NELL1: variants seen among roughly 807,000 people sequenced by gnomAD.
The protein encoded by NELL1 is protein kinase C-binding protein NELL1.
Under a neutral mutation model 107.4 loss-of-function variants are expected in NELL1, and 76 were observed. The ratio of observed to expected loss-of-function variants is 0.71; its 90% CI spans 0.59 to 0.86. The LOEUF is 0.86. NELL1 is among the 40% of genes least tolerant of loss of function. The pLI is 0.00. For missense variants in NELL1, 1,024 were observed against 1,005.5 expected (o/e 1.02, Z -0.25); for synonymous variants, 353 against 341.2 (o/e 1.03, Z -0.38).
chr11:20,765,528 A>T (rs408592), intron 2 of NELL1, among the ~76,000 whole-genome samples: 9,160 of 152,214 alleles, frequency 0.06, 966 homozygotes, highest in African/African-American at 0.21. Flanking sequence ...GCTGGGGTCT[A>T]GGGAAATGAC....
intron 14 of NELL1, among the ~76,000 whole-genome samples, chr11:21,306,931 T>C (rs1455630556): frequency 6.6e-6 from 1 of 152,036 alleles, no homozygotes; most frequent in Non-Finnish European, 1.5e-5. Flanking sequence ...GGGTCTGAAT[T>C]CTTTCAGTCT....
At chr11:20,929,292 TA>T (rs1036831412) in intron 9 of NELL1, among the ~76,000 whole-genome samples, 1 of 152,214 alleles carries the variant, frequency 6.6e-6, no homozygotes, top group African/African-American at 2.4e-5. Flanking sequence ...CCAATGTCAG[TA>T]GCCTTCAAAG....
At chr11:21,040,209 A>G (rs1284289296) in intron 12 of NELL1, among the ~76,000 whole-genome samples, 1 of 151,848 alleles carries the variant, frequency 6.6e-6, no homozygotes, top group Non-Finnish European at 1.5e-5. Flanking sequence ...CATCATGTGA[A>G]AAAACTATTT....
intron 12 of NELL1, among the ~76,000 whole-genome samples, chr11:21,083,466 T>G (rs1010588629): frequency 9.2e-5 from 14 of 152,172 alleles, no homozygotes; most frequent in Admixed American, 7.9e-4. Context: ...ATGGTGCCAG[T>G]GTTAACAGGT....
intron 16 of NELL1, among the ~76,000 whole-genome samples, chr11:21,539,419 C>A (rs1856232255): frequency 6.6e-6 from 1 of 151,936 alleles, no homozygotes; most frequent in Admixed American, 6.6e-5. Flanking sequence ...GTATCTCAAG[C>A]TCTTGTCTGG....
At chr11:21,454,281 G>A (rs1013280412) in intron 15 of NELL1, among the ~76,000 whole-genome samples, 2 of 150,092 alleles carry the variant, frequency 1.3e-5, no homozygotes, top group African/African-American at 2.5e-5. Context: ...TGGCTGCATA[G>A]TATTCCATGG....
intron 2 of NELL1, among the ~76,000 whole-genome samples, chr11:20,693,870 C>G (rs987275875): frequency 3.9e-5 from 6 of 152,308 alleles, no homozygotes; most frequent in Admixed American, 3.9e-4. Flanking sequence ...GGATAGTATC[C>G]TGCAGAGTGT....
intron 14 of NELL1, among the ~76,000 whole-genome samples, chr11:21,280,868 A>C (rs1361436374): frequency 1.3e-5 from 2 of 152,156 alleles, no homozygotes; most frequent in African/African-American, 4.8e-5. Context: ...CCTAGGCTCT[A>C]AACAGTCTAG....
intron 14 of NELL1, among the ~76,000 whole-genome samples, chr11:21,242,189 TG>T (rs1370908465): frequency 6.6e-6 from 1 of 152,038 alleles, no homozygotes; most frequent in African/African-American, 2.4e-5. Flanking sequence ...AAAACTTCAG[TG>T]GGTCCAACAC....
At chr11:21,136,566 G>T (rs1196744800) in intron 13 of NELL1, among the ~76,000 whole-genome samples, 1 of 152,154 alleles carries the variant, frequency 6.6e-6, no homozygotes, top group Non-Finnish European at 1.5e-5. Context: ...CACAGGAAAT[G>T]ACTCTGTCCA....
At chr11:20,697,368 C>T (rs1854646317) in intron 2 of NELL1, among the ~76,000 whole-genome samples, 1 of 148,620 alleles carries the variant, frequency 6.7e-6, no homozygotes, top group African/African-American at 2.5e-5. Flanking sequence ...TTAGAATATG[C>T]ATGAGTGCAA....
intron 14 of NELL1, among the ~76,000 whole-genome samples, chr11:21,246,892 T>A (rs947875089): frequency 4.6e-5 from 7 of 152,150 alleles, no homozygotes; most frequent in Admixed American, 4.6e-4. Context: ...CTTGCGAGAT[T>A]TATTCACTAT....
At chr11:20,693,151 C>T (rs1462090313) in intron 2 of NELL1, among the ~76,000 whole-genome samples, 1 of 151,812 alleles carries the variant, frequency 6.6e-6, no homozygotes, top group Non-Finnish European at 1.5e-5. Context: ...AGATCTTCCT[C>T]CATCCTTTTA....
intron 2 of NELL1, among the ~76,000 whole-genome samples, chr11:20,780,737 C>T (rs1856834813): frequency 2.0e-5 from 3 of 152,068 alleles, no homozygotes; most frequent in Admixed American, 2.0e-4. Flanking sequence ...CAGAAGATTG[C>T]ATTTACAGTG....
chr11:20,734,597 G>A (rs1855719198), intron 2 of NELL1, among the ~76,000 whole-genome samples: 3 of 152,184 alleles, frequency 2.0e-5, no homozygotes, highest in Admixed American at 1.3e-4. Context: ...GACTGCATTT[G>A]TGGTATTACC....
intron 9 of NELL1, among the ~76,000 whole-genome samples, chr11:20,933,036 A>G (rs948864573): frequency 6.6e-6 from 1 of 152,250 alleles, no homozygotes; most frequent in African/African-American, 2.4e-5. Context: ...TTGCATACAC[A>G]AAATCATGGA....
intron 14 of NELL1, among the ~76,000 whole-genome samples, chr11:21,349,605 CCTT>C (rs750077534): frequency 2.0e-5 from 3 of 151,326 alleles, no homozygotes; most frequent in African/African-American, 7.3e-5. Context: ...AAAATAGTGT[CCTT>C]TTTTTTTTAA....
Position 21,499,214 on chromosome 11 carries a change from C to G in NELL1, c.1646-35160C>G, listed in dbSNP as rs78266369. Among the ~76,000 whole-genome samples, 2,447 of 151,202 alleles carry G rather than the reference C, an allele frequency of 0.016. 195 individuals carry two copies. The East Asian group carries it at 0.26, about 16-fold the overall frequency. On this transcript the variant is annotated intron_variant, in intron 15 of 19. Coordinates refer to ENST00000357134, the MANE Select transcript of NELL1 (RefSeq NM_006157.5). ...ATACAATTTTTTGTATGTTATTAAACTCTGTAATACATTGTAAAATTTACT... is the reference window on the plus strand; with the variant it reads ...ATACAATTTTTTGTATGTTATTAAAGTCTGTAATACATTGTAAAATTTACT...
At chr11:21,213,318 G>T (rs1008734760) in intron 13 of NELL1, among the ~76,000 whole-genome samples, 1 of 152,094 alleles carries the variant, frequency 6.6e-6, no homozygotes, top group Non-Finnish European at 1.5e-5. Flanking sequence ...GATCTGTAAA[G>T]TTTAACATAA....
Sources: gnomAD v4.1 joint callset for allele counts (sites outside exome capture counted in the v4.1 genomes callset) on GRCh38, gnomAD v4.1.1 for gene constraint, MANE v1.5 for transcripts, NCBI Gene and HGNC (gene_info 2026-07-23, HGNC 2026-07-21) for gene names.